Variants in DCTN1 observed in about 807,000 individuals in gnomAD.
DCTN1 encodes the protein 150 kDa dynein-associated polypeptide.
In DCTN1, 61 loss-of-function variants were observed where a neutral mutation model predicts 161.2. The ratio of observed to expected loss-of-function variants is 0.38; its 90% CI spans 0.31 to 0.47. DCTN1 has a LOEUF of 0.47. DCTN1 is among the 20% of genes least tolerant of loss of function. The pLI is 0.99. For synonymous variants in DCTN1, 653 were observed against 632.4 expected, an observed-to-expected ratio of 1.03 and a Z score of -0.49; for missense variants, 1,404 against 1,623.7, an observed-to-expected ratio of 0.86 and a Z score of 2.33.
chr2:74,361,903 A>G, intron 31 of DCTN1, 149 bp downstream of exon 31: 1 of 875,772 alleles, frequency 1.1e-6, no homozygotes, highest in Non-Finnish European at 1.9e-6. Flanking sequence ...AGCACTTCTG[A>G]GTTACTTGTA....
rs763527090 is a variant in DCTN1 at position 74,366,467 on chromosome 2, T to G, written c.2620A>C (p.Ser874Arg). The G allele has an allele frequency of 1.2e-6, 2 of 1,614,234 alleles. No homozygotes were observed. Among genetic ancestry groups the G allele is most frequent in the South Asian group, 2.2e-5 (2 of 91,086 alleles). Residue 874 changes from serine (S) to arginine (R), a missense_variant, in exon 22 of 32, where the codon AGC (serine) becomes CGC (arginine). Coordinates refer to ENST00000628224, the MANE Select transcript of DCTN1 (RefSeq NM_004082.5). ...CAGCCATCCAGGCCCACCTGCTCGC[T>G]TGCTTTGAAAGCCAGTTCCTCCAGA... ...AALEELAFKA[S>R]EQIYGTPSSS... is the part of the protein sequence containing the mutation.
rs939136389 is a variant in DCTN1 at position 74,371,462 on chromosome 2, A to C, written c.645+75T>G. ...TTCTAGGTCTTTGCCAACCCCAGGA[A>C]ATTTTCAAGACACAGCGGGTAGCCA... is the stretch of plus-strand genomic sequence containing the variant. On this transcript the variant is annotated intron_variant, in intron 8 of 31. Transcript: ENST00000628224. The C allele has an allele frequency of 6.9e-6, 10 of 1,452,698 alleles. No homozygotes were observed. The African/African-American group carries it at 1.3e-4, about 19-fold the overall frequency. 90.0% of individuals were successfully genotyped at this position (1,452,698 alleles called of 1,614,324 possible). A position where few individuals can be genotyped will look rare whatever the true frequency, so the allele number is the denominator to read the frequency against.
At chr2:74,367,162 A>G in intron 19 of DCTN1, 55 bp from the exon 20 acceptor site, 1 of 1,603,246 alleles carries the variant, frequency 6.2e-7, no homozygotes, top group Non-Finnish European at 8.5e-7. Context: ...CTTCTGCCTT[A>G]TCAACATCTC....
At chr2:74,388,112 A>G (rs1675825004) in intron 1 of DCTN1, among the ~76,000 whole-genome samples, 1 of 152,292 alleles carries the variant, frequency 6.6e-6, no homozygotes, top group Non-Finnish European at 1.5e-5. Context: ...TGTAGTAGCT[A>G]TAGTCCCAAC....
chr2:74,390,434 T>C (rs1197996899), intron 1 of DCTN1: 1 of 229,416 alleles, frequency 4.4e-6, no homozygotes, highest in African/African-American at 2.2e-5. Flanking sequence ...AATTGCCCAT[T>C]ATTTTAAATG....
At position 74,369,977 on chromosome 2, in the gene DCTN1, A is replaced by T; in HGVS notation, c.1380T>A (p.Thr460=). The T allele has an allele frequency of 6.2e-7, 1 of 1,614,146 alleles. No homozygotes were observed. Among genetic ancestry groups the T allele is most frequent in the Non-Finnish European group, 8.5e-7 (1 of 1,180,010 alleles). Residue 460 remains threonine (T), a synonymous_variant, in exon 13 of 32, where the codon ACT becomes ACA. Transcript: ENST00000628224. This position sits in a 1 kb window ranked among gnomAD's most constrained non-coding sequence, Gnocchi z 4.9. ...LEEKVRELRE[T]VGDLEAMNEM... The stretch of plus-strand genomic sequence containing the variant: ...GCTCTTCTCTTACCAAGTCTCCCAC[A>T]GTCTCCCTCAACTCGCGCACTTTCT...
intron 1 of DCTN1, among the ~76,000 whole-genome samples, chr2:74,388,661 A>G (rs1337825914): frequency 1.3e-5 from 2 of 152,148 alleles, no homozygotes; most frequent in Non-Finnish European, 2.9e-5. Flanking sequence ...TCAATACCAC[A>G]TTCTATTTAA....
intron 1 of DCTN1, chr2:74,386,988 A>C (rs1298235021): frequency 3.3e-5 from 5 of 152,214 alleles, no homozygotes; most frequent in Non-Finnish European, 7.3e-5. Context: ...AGCTGCCACC[A>C]TTCTGTATTC....
chr2:74,365,703 T>A (rs1291352461), intron 24 of DCTN1, 46 bp from the exon 25 acceptor site: 1 of 1,613,764 alleles, frequency 6.2e-7, no homozygotes, highest in Non-Finnish European at 8.5e-7. Flanking sequence ...CTCCCCACAG[T>A]CCCTGGAAAC....
chr2:74,391,623 A>C, intron 1 of DCTN1: 1 of 360,074 alleles, frequency 2.8e-6, no homozygotes, highest in Non-Finnish European at 5.4e-6. Flanking sequence ...GAGGTGGGTC[A>C]GACCGGCCTC....
In DCTN1 at chr2:74,369,497, A is replaced by G. The variant is rs72466491; in HGVS notation, c.1393-6T>C. ...TTCATCTCATTCATCGCTTCCTAGGACACCACACCATAGTTTGGGCTAAAG... is the reference window on the plus strand; with the variant it reads ...TTCATCTCATTCATCGCTTCCTAGGGCACCACACCATAGTTTGGGCTAAAG... On this transcript the variant is annotated splice_polypyrimidine_tract_variant and splice_region_variant and intron_variant, in intron 13 of 31. Transcript: ENST00000628224. This position sits in a 1 kb window ranked among gnomAD's most constrained non-coding sequence, Gnocchi z 4.9. 7.0e-5 allele frequency: 113 copies of G among 1,611,582 alleles called. 2 individuals carry two copies. In the Middle Eastern group the frequency reaches 1.5e-3, roughly 21 times the overall value.
intron 18 of DCTN1, 97 bp downstream of exon 18, chr2:74,367,599 A>C: frequency 6.3e-7 from 1 of 1,580,938 alleles, no homozygotes; most frequent in East Asian, 2.2e-5. Context: ...CTCAAGCAGC[A>C]AGCATGGGAC....
Position 74,369,180 on chromosome 2 carries a change from G to A in DCTN1, c.1619C>T (p.Ala540Val), listed in dbSNP as rs1201128108. The A allele has an allele frequency of 6.2e-7, 1 of 1,614,244 alleles. No individual in the cohort carries two copies. Among genetic ancestry groups the A allele is most frequent in the Non-Finnish European group, 8.5e-7 (1 of 1,180,052 alleles). Residue 540 changes from alanine (A) to valine (V), a missense_variant, in exon 15 of 32, where the codon GCA becomes GTA. Physicochemically the swap from Ala to Val is moderately conservative, Grantham distance 64 (BLOSUM62 0). Transcript: ENST00000628224. The surrounding 1 kb of genome is among the most constrained non-coding windows in gnomAD (Gnocchi z 4.9). ...TGGCTGCTGTTGCCTCTCCACAGAT[G>A]CTTCCTGCTGGTTTGTCAGTTCCCG... is the stretch of plus-strand genomic sequence containing the variant. ...VNRELTNQQE[A>V]SVERQQQPPP... is the part of the protein sequence containing the mutation.
At chr2:74,363,939 G>A (rs936575651) in intron 26 of DCTN1, 1 of 468,446 alleles carries the variant, frequency 2.1e-6, no homozygotes, top group Non-Finnish European at 4.0e-6. Flanking sequence ...CCCTGTCTCA[G>A]ATGCCATCTC....
At chr2:74,385,342 A>C (rs1354218928), upstream of DCTN1, 1 of 152,240 alleles carries the variant, frequency 6.6e-6, no homozygotes, top group Non-Finnish European at 1.5e-5. Flanking sequence ...CCCTGCACTC[A>C]AGAACCTCAA....
intron 6 of DCTN1, 135 bp from the exon 7 acceptor site, chr2:74,373,083 C>G (rs917402077): frequency 1.3e-5 from 10 of 762,450 alleles, no homozygotes; most frequent in Admixed American, 3.9e-5. Flanking sequence ...CACCCTCCCC[C>G]CCATCCCATC....
At chr2:74,362,243 G>T (rs1674060831) in intron 30 of DCTN1, 102 bp from the exon 31 acceptor site, 1 of 998,828 alleles carries the variant, frequency 1.0e-6, no homozygotes, top group Non-Finnish European at 1.6e-6. Flanking sequence ...GGGGGGCAGG[G>T]ACTTAGTCCT....
At position 74,369,176 on chromosome 2, in the gene DCTN1, A is replaced by T; in HGVS notation, c.1623T>A (p.Ser541=). ...GAGGTGGCTGCTGTTGCCTCTCCACAGATGCTTCCTGCTGGTTTGTCAGTT... is the reference window on the plus strand; with the variant it reads ...GAGGTGGCTGCTGTTGCCTCTCCACTGATGCTTCCTGCTGGTTTGTCAGTT... ...NRELTNQQEA[S]VERQQQPPPE... The change falls in exon 15 of 32, where the codon TCT becomes TCA. Residue 541 remains serine (S), a synonymous_variant. Transcript: ENST00000628224. The surrounding 1 kb of genome is among the most constrained non-coding windows in gnomAD (Gnocchi z 4.9). 6.2e-7 allele frequency: 1 copy of T among 1,614,250 alleles called. No individual in the cohort carries two copies. The highest frequency in any genetic ancestry group is 8.5e-7 in the Non-Finnish European group (1 of 1,180,050).
At chr2:74,387,415 C>CTCACTG (rs1234645540) in intron 1 of DCTN1, among the ~76,000 whole-genome samples, 1 of 152,188 alleles carries the variant, frequency 6.6e-6, no homozygotes, top group African/African-American at 2.4e-5. Flanking sequence ...GAACTTCAGA[C>CTCACTG]TCATATCTCA....
Sources: gnomAD v4.1 joint callset for allele counts (sites outside exome capture counted in the v4.1 genomes callset) on GRCh38, gnomAD v4.1.1 for gene constraint, Gnocchi (gnomAD v3.1) non-coding constraint, MANE v1.5 for transcripts, NCBI Gene and HGNC (gene_info 2026-07-23, HGNC 2026-07-21) for gene names.